LAMB1: variants seen among roughly 807,000 people sequenced by gnomAD.
The protein encoded by LAMB1 is laminin subunit beta 1, also known as laminin subunit beta-1.
LAMB1 carries 121 observed loss-of-function variants against 222.3 expected under a neutral mutation model. The ratio of observed to expected loss-of-function variants is 0.54; its 90% CI spans 0.47 to 0.63. The LOEUF (loss-of-function observed/expected upper bound fraction) is 0.63. Ranked by LOEUF, LAMB1 falls within the 30% of genes least tolerant of loss-of-function variation. The probability of loss-of-function intolerance (pLI) is 0.00; values close to 1 mark genes in which losing one functional copy is unlikely to be tolerated. For missense variants in LAMB1, 2,172 were observed against 2,240.8 expected (o/e 0.97, Z 0.62); for synonymous variants, 794 against 807.2 (o/e 0.98, Z 0.28).
rs770273121 is a variant in LAMB1 at position 107,975,717 on chromosome 7, CCT to C, written c.1159_1160del (p.Arg387GlyfsTer6). 6.2e-7 allele frequency: 1 copy of C among 1,612,128 alleles called. No individual in the cohort carries two copies. The highest frequency in any genetic ancestry group is 8.5e-7 in the Non-Finnish European group (1 of 1,179,062). On this transcript the variant is annotated frameshift_variant, in exon 10 of 34. Coordinates refer to ENST00000222399, the MANE Select transcript of LAMB1 (RefSeq NM_002291.3). LOFTEE classifies it high-confidence loss of function. Reference protein sequence around the residue: ...CKPFYYQHPERDIRDPNFCER... With the variant: ...CKPFYYQHPEXDIRDPNFCER... The stretch of plus-strand genomic sequence containing the variant: ...CACAGAAATTAGGATCTCGGATGTC[CCT>C]CTCTGGGTGCTGGTAGTAAAACGGC...
chr7:107,965,991 G>A (rs1030931652), intron 13 of LAMB1, among the ~76,000 whole-genome samples: 11 of 151,752 alleles, frequency 7.2e-5, no homozygotes, highest in East Asian at 2.0e-4. Context: ...TCAGCTACTC[G>A]GGAGGCTGAG....
chr7:107,934,484 G>T (rs536944828), intron 27 of LAMB1, among the ~76,000 whole-genome samples: 5 of 152,270 alleles, frequency 3.3e-5, no homozygotes, highest in East Asian at 1.9e-4. Flanking sequence ...AACAGGCTCA[G>T]TTAGGCTTTT....
rs377709658 is a variant in LAMB1, at chr7:107,997,413, ACT to A, written c.349+942_349+943del. On this transcript the variant is annotated intron_variant, in intron 4 of 33. Transcript: ENST00000222399. ...ATTCCAGCCTAGGTGAAAGAGGGAGACTCTGCCTCAAAAATAAACAAACAAAC... is the reference window on the plus strand; with the variant it reads ...ATTCCAGCCTAGGTGAAAGAGGGAGACTGCCTCAAAAATAAACAAACAAAC... Among the ~76,000 whole-genome samples the A allele has an allele frequency of 3.9e-5, 6 of 152,168 alleles. No homozygotes were observed. The South Asian group carries it at 1.2e-3, about 32-fold the overall frequency.
Position 108,001,543 on chromosome 7 carries a change from GCT to G in LAMB1, c.213+13_213+14del. ...AGGCGCTAGCAGAGCCTCGAACCCC[GCT>G]CTCAGCCCTCACCTGCAAGTGGCTG... On this transcript the variant is annotated intron_variant, in intron 3 of 33. Coordinates refer to ENST00000222399, the MANE Select transcript of LAMB1 (RefSeq NM_002291.3). 6.3e-7 allele frequency: 1 copy of G among 1,579,818 alleles called. No individual in the cohort carries two copies. Among genetic ancestry groups the G allele is most frequent in the Non-Finnish European group, 8.6e-7 (1 of 1,157,576 alleles).
rs1289561374 is a variant in LAMB1, at chr7:107,990,184, G to A, written c.424-3821C>T. Among the ~76,000 whole-genome samples, 5 of 151,972 alleles carry A rather than the reference G, an allele frequency of 3.3e-5. No homozygotes were observed. In the East Asian group the frequency reaches 5.8e-4, roughly 18 times the overall value. ...CTCCTGAGTAGCTGGGACTACAGGCGTGTGCCACCATGCCTGGCTAATTTT... is the reference window on the plus strand; with the variant it reads ...CTCCTGAGTAGCTGGGACTACAGGCATGTGCCACCATGCCTGGCTAATTTT... On this transcript the variant is annotated intron_variant, in intron 5 of 33. Coordinates refer to ENST00000222399, the MANE Select transcript of LAMB1 (RefSeq NM_002291.3).
Position 107,994,961 on chromosome 7 carries a change from C to T in LAMB1, c.350-1G>A, listed in dbSNP as rs1404230325. Reference sequence around the variant, plus strand: ...AGTTGGATAGTTACATTTTCCACACCTACAGGAGATTTAAAAAAAATAAAA... The same window carrying T: ...AGTTGGATAGTTACATTTTCCACACTTACAGGAGATTTAAAAAAAATAAAA... On this transcript the variant is annotated splice_acceptor_variant, in intron 4 of 33. Transcript: ENST00000222399. LOFTEE classifies it high-confidence loss of function. 1.3e-6 allele frequency: 2 copies of T among 1,546,058 alleles called. No individual in the cohort carries two copies. Among genetic ancestry groups the T allele is most frequent in the Non-Finnish European group, 1.8e-6 (2 of 1,122,418 alleles).
At chr7:107,972,001 A>G (rs1181924093) in intron 13 of LAMB1, among the ~76,000 whole-genome samples, 5 of 152,216 alleles carry the variant, frequency 3.3e-5, no homozygotes, top group Non-Finnish European at 5.9e-5. Context: ...AAAAGTCAGA[A>G]AAGTGATTCC....
At chr7:107,989,955 C>T (rs774408827) in intron 5 of LAMB1, among the ~76,000 whole-genome samples, 1 of 152,182 alleles carries the variant, frequency 6.6e-6, no homozygotes, top group South Asian at 2.1e-4. Context: ...AGTCATCAAC[C>T]TTCCCAGGCC....
At chr7:107,985,569 C>A (rs1273547140) in intron 7 of LAMB1, among the ~76,000 whole-genome samples, 7 of 151,924 alleles carry the variant, frequency 4.6e-5, no homozygotes, top group Non-Finnish European at 1.0e-4. Flanking sequence ...GCAGAGGTTG[C>A]AGTGAGCCTA....
intron 26 of LAMB1, among the ~76,000 whole-genome samples, chr7:107,936,823 A>G (rs201667413): frequency 1.1e-4 from 3 of 27,652 alleles, no homozygotes; most frequent in South Asian, 1.0e-3. Context: ...AACTGGAGGG[A>G]AAAAAAAAAA....
intron 7 of LAMB1, among the ~76,000 whole-genome samples, chr7:107,985,013 C>A (rs1296259148): frequency 6.6e-6 from 1 of 152,084 alleles, no homozygotes; most frequent in African/African-American, 2.4e-5. Flanking sequence ...GAAACTTTCA[C>A]CTTATTTGAA....
In LAMB1 at chr7:107,932,391, AG is replaced by A; in HGVS notation, c.4189-15del. 2 of 1,613,674 alleles carry A rather than the reference AG, an allele frequency of 1.2e-6. No individual in the cohort carries two copies. The highest frequency in any genetic ancestry group is 1.1e-5 in the South Asian group (1 of 91,078). ...TGTTCCACAGGTCTGCAACAAGCCAAGGATCAGGCACAATACTTCGGATAGT... is the reference window on the plus strand; with the variant it reads ...TGTTCCACAGGTCTGCAACAAGCCAAGATCAGGCACAATACTTCGGATAGT... On this transcript the variant is annotated splice_polypyrimidine_tract_variant and intron_variant, in intron 27 of 33. Coordinates refer to ENST00000222399, the MANE Select transcript of LAMB1 (RefSeq NM_002291.3).
rs777226671 is a variant in LAMB1 at position 108,002,205 on chromosome 7, G to C, written c.38-472C>G. 11 of 1,364,398 alleles carry C rather than the reference G, an allele frequency of 8.1e-6. No individual in the cohort carries two copies. The African/African-American group carries it at 8.7e-5, about 11-fold the overall frequency. 84.5% of individuals were successfully genotyped at this position (1,364,398 alleles called of 1,614,324 possible). ...GTGCGCGTGGAGATCTGTGAGCTTG[G>C]GAAGCGAGAGTGCGTGTGCGTGCAC... is the stretch of plus-strand genomic sequence containing the variant. On this transcript the variant is annotated intron_variant, in intron 2 of 33. Transcript: ENST00000222399.
At position 107,951,991 on chromosome 7, in the gene LAMB1, C is replaced by G; in HGVS notation, c.3294+18G>C. On this transcript the variant is annotated intron_variant, in intron 23 of 33. Transcript: ENST00000222399. ...ACCTGAGCTCATAAAGGCATCATCC[C>G]CAGCAGCAGCCCCTCACCTCATTGC... 2.5e-6 allele frequency: 4 copies of G among 1,595,004 alleles called. No individual in the cohort carries two copies. The highest frequency in any genetic ancestry group is 3.4e-6 in the Non-Finnish European group (4 of 1,167,168).
chr7:107,965,535 C>T (rs911398244), intron 13 of LAMB1, among the ~76,000 whole-genome samples: 8 of 152,248 alleles, frequency 5.3e-5, no homozygotes, highest in African/African-American at 1.4e-4. Flanking sequence ...GCTGAGATCA[C>T]GCCATTGCAC....
At chr7:107,944,182 G>A (rs2033060514) in intron 24 of LAMB1, among the ~76,000 whole-genome samples, 1 of 152,152 alleles carries the variant, frequency 6.6e-6, no homozygotes, top group Non-Finnish European at 1.5e-5. Flanking sequence ...TCATGCTTGG[G>A]GCAAGGGATG....
intron 5 of LAMB1, among the ~76,000 whole-genome samples, chr7:107,993,122 G>A (rs1434407192): frequency 1.3e-5 from 2 of 152,058 alleles, no homozygotes; most frequent in East Asian, 3.9e-4. Context: ...TCATAAACCA[G>A]TGTGATAACT....
At position 107,953,739 on chromosome 7, in the gene LAMB1, T is replaced by C. The variant is rs201021379; in HGVS notation, c.2870A>G (p.Asp957Gly). 1.0e-4 allele frequency: 161 copies of C among 1,614,008 alleles called. No individual in the cohort carries two copies. Among genetic ancestry groups the C allele is most frequent in the Non-Finnish European group, 9.3e-6 (11 of 1,180,000 alleles). ...ATTGCCAAAGTATCCTGAGGCACAG[T>C]CGTCACATCTGGAACCTGTCACCCG... ...DPGYIGSRCD[D>G]CASGYFGNPS... Residue 957 changes from aspartate to glycine, a missense_variant, in exon 22 of 34, where the codon GAC becomes GGC. Transcript: ENST00000222399.
intron 24 of LAMB1, among the ~76,000 whole-genome samples, chr7:107,950,295 A>G (rs2033214032): frequency 6.6e-6 from 1 of 152,220 alleles, no homozygotes; most frequent in Non-Finnish European, 1.5e-5. Flanking sequence ...AAATATACGA[A>G]AGAGCACTTA....
Sources: allele counts gnomAD v4.1 joint callset (sites outside exome capture counted in the v4.1 genomes callset), GRCh38; gene constraint gnomAD v4.1.1; transcripts MANE v1.5; gene names NCBI Gene and HGNC (gene_info 2026-07-23, HGNC 2026-07-21).